The following FAR1 variants were observed in gnomAD, a reference collection of about 807,000 sequenced individuals.
The protein encoded by FAR1 is fatty acyl-CoA reductase 1, also known as male sterility domain-containing protein 2.
FAR1 carries 22 observed loss-of-function variants against 61.1 expected under a neutral mutation model. That is an observed-to-expected ratio of 0.36 (90% CI 0.26 to 0.51). The LOEUF (loss-of-function observed/expected upper bound fraction) is 0.51. Ranked by LOEUF, FAR1 falls within the 20% of genes least tolerant of loss-of-function variation. FAR1 has a pLI of 0.95. For missense variants in FAR1, 359 were observed against 626.9 expected (o/e 0.57, Z 4.56); for synonymous variants, 206 against 209.7 (o/e 0.98, Z 0.15).
chr11:13,700,038 G>A (rs1848353012), intron 2 of FAR1, among the ~76,000 whole-genome samples: 1 of 152,156 alleles, frequency 6.6e-6, no homozygotes, highest in South Asian at 2.1e-4. Context: ...GGCATGGACA[G>A]TTCAAATTCA....
At chr11:13,690,303 G>A (rs549047213) in intron 1 of FAR1, among the ~76,000 whole-genome samples, 56 of 151,928 alleles carry the variant, frequency 3.7e-4, no homozygotes, top group African/African-American at 1.3e-3. Context: ...AGATATTAAT[G>A]TTTTCATTAT....
intron 2 of FAR1, among the ~76,000 whole-genome samples, chr11:13,699,952 T>C (rs1376432852): frequency 6.6e-6 from 1 of 152,196 alleles, no homozygotes; most frequent in Non-Finnish European, 1.5e-5. Flanking sequence ...GAAATCTGAA[T>C]GATCATTTTA....
At chr11:13,717,248 G>A (rs1354064990) in intron 9 of FAR1, among the ~76,000 whole-genome samples, 1 of 151,962 alleles carries the variant, frequency 6.6e-6, no homozygotes, top group African/African-American at 2.4e-5. Flanking sequence ...GGCGGATGAC[G>A]CTCTTTAGGA....
intron 1 of FAR1, among the ~76,000 whole-genome samples, chr11:13,675,620 G>T (rs1056626194): frequency 6.6e-6 from 1 of 152,126 alleles, no homozygotes; most frequent in Non-Finnish European, 1.5e-5. Flanking sequence ...TTTTTGGCAC[G>T]TTCTGTTAAA....
intron 4 of FAR1, among the ~76,000 whole-genome samples, chr11:13,709,744 A>G (rs1848476895): frequency 6.6e-6 from 1 of 152,080 alleles, no homozygotes; most frequent in African/African-American, 2.4e-5. Context: ...TTTCATATAC[A>G]AAAAGTACTT....
intron 4 of FAR1, 77 bp from the exon 5 acceptor site, chr11:13,710,616 T>A: frequency 8.1e-7 from 1 of 1,240,012 alleles, no homozygotes; most frequent in East Asian, 2.7e-5. Flanking sequence ...TGTTTGAATG[T>A]GCGAAGTTCA....
chr11:13,726,205 G>A (rs956117395), intron 10 of FAR1, among the ~76,000 whole-genome samples: 3 of 151,954 alleles, frequency 2.0e-5, no homozygotes, highest in African/African-American at 7.2e-5. Context: ...AGCCACACAA[G>A]CCAGTATTTT....
chr11:13,728,534 CAG>C (rs1355263514), intron 11 of FAR1, 76 bp from the exon 12 acceptor site: 5 of 1,279,372 alleles, frequency 3.9e-6, no homozygotes, highest in East Asian at 4.7e-5. Flanking sequence ...ATTAAAAACT[CAG>C]TATTAATTAG....
chr11:13,723,967 G>A (rs147718533), intron 10 of FAR1, among the ~76,000 whole-genome samples: 1 of 152,136 alleles, frequency 6.6e-6, no homozygotes, highest in Non-Finnish European at 1.5e-5. Context: ...ATTTAAACTT[G>A]CAGATGATTT....
chr11:13,698,627 G>A lies in FAR1; in HGVS notation c.190-1690G>A, dbSNP rs183711240. On this transcript the variant is annotated intron_variant, in intron 2 of 11. Coordinates refer to ENST00000354817, the MANE Select transcript of FAR1 (RefSeq NM_032228.6). ...GGGGGGATCATGAGGTCAGGAGATC[G>A]ACACCATCCTGGCTAACATGGTGAA... 1.4e-3 allele frequency among the ~76,000 whole-genome samples: 220 copies of A among 151,874 alleles called. 1 individual carries two copies. The highest frequency in any genetic ancestry group is 5.1e-3 in the African/African-American group (211 of 41,390).
intron 3 of FAR1, among the ~76,000 whole-genome samples, chr11:13,706,347 A>G (rs1168983233): frequency 6.6e-6 from 1 of 152,146 alleles, no homozygotes; most frequent in African/African-American, 2.4e-5. Context: ...CAGGTTAACT[A>G]GATTAATAAA....
At chr11:13,705,997 C>T (rs1848427723) in intron 3 of FAR1, among the ~76,000 whole-genome samples, 2 of 152,168 alleles carry the variant, frequency 1.3e-5, no homozygotes, top group Non-Finnish European at 1.5e-5. Context: ...TCTATGACAT[C>T]TCCTGGTCTT....
intron 9 of FAR1, among the ~76,000 whole-genome samples, chr11:13,717,217 G>A (rs781258300): frequency 5.3e-5 from 8 of 150,808 alleles, no homozygotes; most frequent in Admixed American, 1.3e-4. Flanking sequence ...CCAGGGTTTT[G>A]TCATCTAAAT....
chr11:13,677,259 G>C (rs1848077562), intron 1 of FAR1, among the ~76,000 whole-genome samples: 1 of 152,230 alleles, frequency 6.6e-6, no homozygotes, highest in East Asian at 1.9e-4. Context: ...ATTTATTAGG[G>C]TAGGCGTGTT....
At chr11:13,716,107 T>C (rs1307816743) in intron 9 of FAR1, among the ~76,000 whole-genome samples, 1 of 152,214 alleles carries the variant, frequency 6.6e-6, no homozygotes, top group East Asian at 1.9e-4. Flanking sequence ...GCATTCTTCA[T>C]GGCTAAAATG....
intron 9 of FAR1, chr11:13,715,947 G>T (rs987748888): frequency 6.6e-6 from 1 of 152,132 alleles, no homozygotes; most frequent in Non-Finnish European, 1.5e-5. Context: ...CGTAGGTATT[G>T]TCTGTGGATT....
At chr11:13,700,011 A>G (rs914417108) in intron 2 of FAR1, among the ~76,000 whole-genome samples, 1 of 152,194 alleles carries the variant, frequency 6.6e-6, no homozygotes, top group Admixed American at 6.5e-5. Context: ...GAGGGGTGAT[A>G]CAATCTAATC....
rs748559130 is a variant in FAR1 at position 13,730,390 on chromosome 11, T to C, written c.*1616T>C. On this transcript the variant is annotated 3_prime_UTR_variant, in exon 12 of 12. Coordinates refer to ENST00000354817, the MANE Select transcript of FAR1 (RefSeq NM_032228.6). ...TTTTCTGTAGTAAAACTTTTAAATA[T>C]TATTTTAAAAGAAATATGTATATAA... The C allele has an allele frequency of 6.6e-6, 1 of 152,442 alleles. No homozygotes were observed. The highest frequency in any genetic ancestry group is 1.5e-5 in the Non-Finnish European group (1 of 67,950). 9.4% of individuals were successfully genotyped at this position (152,442 alleles called of 1,614,324 possible).
chr11:13,677,249 A>G (rs971359860), intron 1 of FAR1, among the ~76,000 whole-genome samples: 3 of 152,184 alleles, frequency 2.0e-5, no homozygotes, highest in Non-Finnish European at 4.4e-5. Flanking sequence ...TAGTTACAAG[A>G]TTTATTAGGG....
Sources: allele counts gnomAD v4.1 joint callset (sites outside exome capture counted in the v4.1 genomes callset), GRCh38; gene constraint gnomAD v4.1.1; transcripts MANE v1.5; gene names NCBI Gene and HGNC (gene_info 2026-07-23, HGNC 2026-07-21).